Variants in MS4A1 observed in about 807,000 individuals in gnomAD.
MS4A1 encodes the protein membrane spanning 4-domains A1.
In MS4A1, 16 loss-of-function variants were observed where a neutral mutation model predicts 26.5. That is an observed-to-expected ratio of 0.60 (90% CI 0.41 to 0.92). MS4A1 has a LOEUF of 0.92. Ranked by LOEUF, MS4A1 falls within the 40% of genes least tolerant of loss-of-function variation. The pLI, the probability that MS4A1 is intolerant of heterozygous loss-of-function variation, is 0.00. For synonymous variants in MS4A1, 128 were observed against 117.6 expected (o/e 1.09, Z -0.57); for missense variants, 350 against 353.0 (o/e 0.99, Z 0.07).
At chr11:60,463,963 A>G (rs1028940642) in intron 4 of MS4A1, 8 of 402,102 alleles carry the variant, frequency 2.0e-5, no homozygotes, top group Non-Finnish European at 3.3e-5. Context: ...AACTAGAAAT[A>G]AAACTTTTAA....
chr11:60,460,918 T>A (rs971787220), intron 1 of MS4A1, among the ~76,000 whole-genome samples, 154 bp from the exon 2 acceptor site: 1 of 151,860 alleles, frequency 6.6e-6, no homozygotes, highest in South Asian at 2.1e-4. Context: ...GTTCTAACTT[T>A]ACAGAAGGAT....
At chr11:60,467,473 A>G (rs1029448967) in intron 7 of MS4A1, among the ~76,000 whole-genome samples, 2 of 151,892 alleles carry the variant, frequency 1.3e-5, no homozygotes, top group African/African-American at 4.8e-5. Context: ...ACGGGGGTTC[A>G]CCATGTTGGC....
intron 7 of MS4A1, among the ~76,000 whole-genome samples, chr11:60,467,440 C>T (rs1435870816): frequency 2.0e-5 from 3 of 151,934 alleles, no homozygotes; most frequent in Admixed American, 6.5e-5. Context: ...TCATGCCTGG[C>T]CAATTTTTGT....
chr11:60,462,677 C>A, intron 3 of MS4A1, 144 bp downstream of exon 3: 2 of 1,106,120 alleles, frequency 1.8e-6, no homozygotes, highest in Non-Finnish European at 2.7e-6. Flanking sequence ...CACAGTGGGC[C>A]AAATCAGGGG....
intron 1 of MS4A1, among the ~76,000 whole-genome samples, chr11:60,456,453 ATGC>A (rs1302732958): frequency 6.6e-6 from 1 of 152,182 alleles, no homozygotes; most frequent in East Asian, 1.9e-4. Flanking sequence ...CTTCCTGTAA[ATGC>A]TTTTGTCTAC....
chr11:60,464,188 T>C (rs2086271308), intron 4 of MS4A1, 100 bp from the exon 5 acceptor site: 1 of 851,980 alleles, frequency 1.2e-6, no homozygotes, highest in Non-Finnish European at 2.0e-6. Flanking sequence ...TGTAGGCTTC[T>C]TTCTGACCAG....
At position 60,470,324 on chromosome 11, in the gene MS4A1, T is replaced by G. The variant is rs545789131; in HGVS notation, c.*1856T>G. On this transcript the variant is annotated 3_prime_UTR_variant, in exon 8 of 8. Transcript: ENST00000345732. ...ATATGAGAGAAGGAAAAGGACATAG[T>G]AGGAGCAGGCCTGAGAAAAAAATGA... 6.6e-6 allele frequency: 1 copy of G among 152,080 alleles called. No individual in the cohort carries two copies. The highest frequency in any genetic ancestry group is 1.5e-5 in the Non-Finnish European group (1 of 67,862). The allele number at this position is 152,080 out of a possible 1,614,324, so 9.4% of individuals were successfully genotyped here. A position where few individuals can be genotyped will look rare whatever the true frequency, so the allele number is the denominator to read the frequency against.
intron 1 of MS4A1, among the ~76,000 whole-genome samples, chr11:60,460,519 C>G (rs2086239608): frequency 6.6e-6 from 1 of 152,182 alleles, no homozygotes; most frequent in African/African-American, 2.4e-5. Flanking sequence ...AGGCTGTGGT[C>G]TAATGGCTGG....
chr11:60,463,836 C>CT (rs767184152), intron 4 of MS4A1: 41 of 453,270 alleles, frequency 9.0e-5, no homozygotes, highest in Non-Finnish European at 1.6e-4. Flanking sequence ...CATGGAGTGC[C>CT]TGTGCCATTC....
rs905641444 is a variant in MS4A1, at chr11:60,466,079, C to T, written c.495C>T (p.Tyr165=). 6.2e-7 allele frequency: 1 copy of T among 1,613,970 alleles called. No homozygotes were observed. The highest frequency in any genetic ancestry group is 8.5e-7 in the Non-Finnish European group (1 of 1,179,862). The part of the protein sequence containing the change: ...IRAHTPYINI[Y]NCEPANPSEK... ...CTCACACACCATATATTAACATATA[C>T]AACTGTGAACCAGCTAATCCCTCTG... The change falls in exon 6 of 8, where the codon TAC becomes TAT. Residue 165 remains tyrosine, a synonymous_variant. Coordinates refer to ENST00000345732, the MANE Select transcript of MS4A1 (RefSeq NM_152866.3).
In MS4A1 at chr11:60,460,685, T is replaced by A. The variant is rs116938714; in HGVS notation, c.-279-387T>A. The stretch of plus-strand genomic sequence containing the variant: ...CAGGAAAGACCCAGTGGAGTCCGCA[T>A]AAGTGGTTAACATGAACAAGTGAAT... On this transcript the variant is annotated intron_variant, in intron 1 of 7. Coordinates refer to ENST00000345732, the MANE Select transcript of MS4A1 (RefSeq NM_152866.3). 6.2e-4 allele frequency among the ~76,000 whole-genome samples: 94 copies of A among 152,054 alleles called. 1 individual carries two copies. Among genetic ancestry groups the A allele is most frequent in the Non-Finnish European group, 9.1e-4 (62 of 68,004 alleles).
In MS4A1 at chr11:60,468,657, T is replaced by C. The variant is rs2086316424; in HGVS notation, c.*189T>C. On this transcript the variant is annotated 3_prime_UTR_variant, in exon 8 of 8. Transcript: ENST00000345732. Reference sequence around the variant, plus strand: ...AGAGAATGTAGCCATTGTAGCAGCTTGTGTTGTCACGCTTCTTCTTTTGAG... The same window carrying C: ...AGAGAATGTAGCCATTGTAGCAGCTCGTGTTGTCACGCTTCTTCTTTTGAG... 1 of 629,174 alleles carries C rather than the reference T, an allele frequency of 1.6e-6. No individual in the cohort carries two copies. Among genetic ancestry groups the C allele is most frequent in the Non-Finnish European group, 2.8e-6 (1 of 358,842 alleles). 39.0% of individuals were successfully genotyped at this position (629,174 alleles called of 1,614,324 possible).
In MS4A1 at chr11:60,468,303, AG is replaced by A; in HGVS notation, c.730del (p.Glu244LysfsTer6). On this transcript the variant is annotated frameshift_variant, in exon 8 of 8. Transcript: ENST00000345732. LOFTEE classifies it high-confidence loss of function. Reference sequence around the variant, plus strand: ...AAAAAGAACAGACTATTGAAATAAAAGAAGAAGTGGTTGGGCTAACTGAAAC... The same window carrying A: ...AAAAAGAACAGACTATTGAAATAAAAAAGAAGTGGTTGGGCTAACTGAAAC... ...EKKEQTIEIK[E>X]EVVGLTETSS... The A allele has an allele frequency of 6.2e-7, 1 of 1,613,880 alleles. No homozygotes were observed. Among genetic ancestry groups the A allele is most frequent in the Non-Finnish European group, 8.5e-7 (1 of 1,179,872 alleles).
At position 60,463,074 on chromosome 11, in the gene MS4A1, G is replaced by A. The variant is rs1160201381; in HGVS notation, c.232G>A (p.Ala78Thr). ...TCTGATGATCCCAGCAGGGATCTAT[G>A]CACCCATCTGTGTGACTGTGTGGTA... ...GLLMIPAGIY[A>T]PICVTVWYPL... Residue 78 changes from alanine to threonine, a missense_variant, in exon 4 of 8, where the codon GCA becomes ACA. Coordinates refer to ENST00000345732, the MANE Select transcript of MS4A1 (RefSeq NM_152866.3). The A allele has an allele frequency of 5.6e-6, 9 of 1,614,126 alleles. No homozygotes were observed. Among genetic ancestry groups the A allele is most frequent in the East Asian group, 4.5e-5 (2 of 44,886 alleles).
rs751717593 is a variant in MS4A1, at chr11:60,465,978, A to T, written c.394A>T (p.Ile132Phe). Residue 132 changes from isoleucine to phenylalanine, a missense_variant, in exon 6 of 8, where the codon ATT (isoleucine) becomes TTT (phenylalanine). Physicochemically the swap from Ile to Phe is conservative, Grantham distance 21. Coordinates refer to ENST00000345732, the MANE Select transcript of MS4A1 (RefSeq NM_152866.3). Reference protein sequence around the residue: ...LSLFAAISGMILSIMDILNIK... With the variant: ...LSLFAAISGMFLSIMDILNIK... ...CCTCTTTGCTGCCATTTCTGGAATGATTCTTTCAATCATGGACATACTTAA... is the reference window on the plus strand; with the variant it reads ...CCTCTTTGCTGCCATTTCTGGAATGTTTCTTTCAATCATGGACATACTTAA... The T allele has an allele frequency of 1.9e-6, 3 of 1,613,948 alleles. No homozygotes were observed. The highest frequency in any genetic ancestry group is 2.2e-5 in the South Asian group (2 of 91,044).
chr11:60,466,901 A>G, intron 6 of MS4A1, 58 bp from the exon 7 acceptor site: 1 of 1,511,680 alleles, frequency 6.6e-7, no homozygotes, highest in Non-Finnish European at 9.2e-7. Context: ...ACTGAACACC[A>G]ACAATGTTCT....
intron 2 of MS4A1, 75 bp from the exon 3 acceptor site, chr11:60,462,110 A>G (rs1156423180): frequency 1.8e-6 from 1 of 566,822 alleles, no homozygotes; most frequent in African/African-American, 1.9e-5. Flanking sequence ...CCCCAAACCC[A>G]GTTGTCAAGA....
rs2086320629 is a variant in MS4A1, at chr11:60,469,031, A to T, written c.*563A>T. 6.5e-6 allele frequency: 1 copy of T among 153,920 alleles called. No individual in the cohort carries two copies. Among genetic ancestry groups the T allele is most frequent in the East Asian group, 1.9e-4 (1 of 5,226 alleles). The allele number at this position is 153,920 out of a possible 1,614,324, so 9.5% of individuals were successfully genotyped here. A position where few individuals can be genotyped will look rare whatever the true frequency, so the allele number is the denominator to read the frequency against. On this transcript the variant is annotated 3_prime_UTR_variant, in exon 8 of 8. Transcript: ENST00000345732. Reference sequence around the variant, plus strand: ...TAGAGTTACCACACCCCATGAGGGAAGCTCTAAATAGCCAACACCCATCTG... The same window carrying T: ...TAGAGTTACCACACCCCATGAGGGATGCTCTAAATAGCCAACACCCATCTG...
intron 7 of MS4A1, among the ~76,000 whole-genome samples, chr11:60,467,396 C>T (rs1364492459): frequency 6.6e-6 from 1 of 151,836 alleles, no homozygotes; most frequent in East Asian, 1.9e-4. Context: ...CCTGCCTCAC[C>T]CTCCCGAGTA....
Sources: allele counts gnomAD v4.1 joint callset (sites outside exome capture counted in the v4.1 genomes callset), GRCh38; gene constraint gnomAD v4.1.1; transcripts MANE v1.5; gene names NCBI Gene and HGNC (gene_info 2026-07-23, HGNC 2026-07-21).